The following MTERF3 variants were observed in gnomAD, a reference collection of about 807,000 sequenced individuals.
The protein encoded by MTERF3 is transcription termination factor 3, mitochondrial.
A neutral mutation model predicts 40.5 loss-of-function variants in MTERF3; 40 were observed. That is an observed-to-expected ratio of 0.99 (90% confidence interval 0.77 to 1.29). MTERF3 has a LOEUF of 1.29. Ranked by LOEUF, MTERF3 falls within the 50% of genes most tolerant of loss-of-function variation. The pLI is 0.00. For synonymous variants in MTERF3, 158 were observed against 166.6 expected, an observed-to-expected ratio of 0.95 and a Z score of 0.40; for missense variants, 452 against 478.2, an observed-to-expected ratio of 0.95 and a Z score of 0.51.
At chr8:96,250,184 G>A (rs1044596718) in intron 4 of MTERF3, among the ~76,000 whole-genome samples, 8 of 151,910 alleles carry the variant, frequency 5.3e-5, no homozygotes, top group African/African-American at 1.5e-4. Context: ...GCCAACTTAC[G>A]GAAATGATTA....
At chr8:96,250,125 A>T (rs1181660740) in intron 4 of MTERF3, among the ~76,000 whole-genome samples, 1 of 152,164 alleles carries the variant, frequency 6.6e-6, no homozygotes, top group East Asian at 1.9e-4. Flanking sequence ...AAGTACAGAG[A>T]TGTTTATAAA....
chr8:96,246,388 T>G lies in MTERF3; in HGVS notation c.744A>C (p.Pro248=). The G allele has an allele frequency of 6.2e-7, 1 of 1,613,066 alleles. No homozygotes were observed. Among genetic ancestry groups the G allele is most frequent in the Non-Finnish European group, 8.5e-7 (1 of 1,179,758 alleles). The change falls in exon 5 of 8, where the codon CCA becomes CCC. Residue 248 remains proline, a synonymous_variant. Coordinates refer to ENST00000287025, the MANE Select transcript of MTERF3 (RefSeq NM_015942.5). ...TTTCCACTGAAAAGTTCAGCAAAAA[T>G]GGTGCTTTTCTGACCATCTGTGCAA... The part of the protein sequence containing the change: ...ADVAQMVRKA[P]FLLNFSVERL...
In MTERF3 at chr8:96,250,668, GAAGAAGAAGA is replaced by G. The variant is rs1563548982; in HGVS notation, c.677+228_677+237del. 2.9e-3 allele frequency among the ~76,000 whole-genome samples: 123 copies of G among 42,722 alleles called. 7 individuals are homozygous for G. The highest frequency in any genetic ancestry group is 0.012 in the African/African-American group (119 of 9,788). 28.0% of individuals were successfully genotyped at this position (42,722 alleles called of 152,430 possible). On this transcript the variant is annotated intron_variant, in intron 4 of 7. Coordinates refer to ENST00000287025, the MANE Select transcript of MTERF3 (RefSeq NM_015942.5). The stretch of plus-strand genomic sequence containing the variant: ...AGAAGAAGAAGAAGAAGAAGAAGAA[GAAGAAGAAGA>G]AGAAGGAGGAGGAGGAGGGGGGGAG...
intron 3 of MTERF3, among the ~76,000 whole-genome samples, chr8:96,255,065 A>T (rs1810255399): frequency 6.6e-6 from 1 of 152,204 alleles, no homozygotes; most frequent in Non-Finnish European, 1.5e-5. Context: ...AAAAGCTTTG[A>T]TGCCATGGGA....
intron 3 of MTERF3, 115 bp downstream of exon 3, chr8:96,256,847 A>T: frequency 1.1e-6 from 1 of 896,354 alleles, no homozygotes; most frequent in Non-Finnish European, 1.5e-6. Flanking sequence ...TTATGCTATT[A>T]GACTTTTGCT....
chr8:96,249,643 G>A (rs1489449836), intron 4 of MTERF3, among the ~76,000 whole-genome samples: 2 of 152,154 alleles, frequency 1.3e-5, no homozygotes, highest in Non-Finnish European at 2.9e-5. Flanking sequence ...GAATCGCAAA[G>A]CTCTCTGAAA....
At chr8:96,260,280 GGAA>G (rs1184021522) in intron 1 of MTERF3, 1 of 152,124 alleles carries the variant, frequency 6.6e-6, no homozygotes, top group African/African-American at 2.4e-5. Flanking sequence ...GATTTTGGTG[GGAA>G]ATGGGACTCC....
intron 7 of MTERF3, among the ~76,000 whole-genome samples, chr8:96,242,443 A>T (rs1586162644): frequency 6.6e-6 from 1 of 152,326 alleles, no homozygotes; most frequent in East Asian, 1.9e-4. Context: ...AGCAGATCCT[A>T]GTAAAGGGCT....
chr8:96,244,923 C>A (rs1376189192), intron 6 of MTERF3, among the ~76,000 whole-genome samples: 1 of 152,178 alleles, frequency 6.6e-6, no homozygotes, highest in Non-Finnish European at 1.5e-5. Flanking sequence ...GGGCCCAACA[C>A]CAAACAGATC....
At chr8:96,241,341 C>T (rs1259535557) in intron 7 of MTERF3, among the ~76,000 whole-genome samples, 6 of 151,400 alleles carry the variant, frequency 4.0e-5, no homozygotes, top group South Asian at 4.2e-4. Context: ...ACCCGGGAGG[C>T]GGCGGTTGCA....
At chr8:96,256,861 G>GT (rs1810287668) in intron 3 of MTERF3, 101 bp downstream of exon 3, 6 of 1,055,688 alleles carry the variant, frequency 5.7e-6, no homozygotes, top group Non-Finnish European at 7.6e-6. Flanking sequence ...TTTTGCTTAT[G>GT]TTTGTATACT....
chr8:96,259,136 A>C (rs1810335464), intron 1 of MTERF3, among the ~76,000 whole-genome samples: 1 of 152,258 alleles, frequency 6.6e-6, no homozygotes, highest in South Asian at 2.1e-4. Flanking sequence ...TGATCAAAGT[A>C]ACACTGAATT....
intron 4 of MTERF3, among the ~76,000 whole-genome samples, chr8:96,248,553 T>G (rs1810063893): frequency 6.6e-6 from 1 of 152,204 alleles, no homozygotes; most frequent in African/African-American, 2.4e-5. Flanking sequence ...TAACAGTAGC[T>G]GTGTCGATAG....
At chr8:96,257,330 G>A in intron 2 of MTERF3, 1 of 381,546 alleles carries the variant, frequency 2.6e-6, no homozygotes, top group Non-Finnish European at 4.6e-6. Flanking sequence ...GAAATTTGTT[G>A]GTAAATTTCA....
intron 4 of MTERF3, among the ~76,000 whole-genome samples, chr8:96,250,507 T>TCCCCATCTCTC (rs1232143428): frequency 7.0e-6 from 1 of 143,506 alleles, no homozygotes; most frequent in East Asian, 2.0e-4. Flanking sequence ...GGTCAGGAGT[T>TCCCCATCTCTC]CGAGAACAGC....
rs781604940 is a variant in MTERF3 at position 96,250,925 on chromosome 8, G to C, written c.658C>G (p.Leu220Val). 10 of 1,608,108 alleles carry C rather than the reference G, an allele frequency of 6.2e-6. No individual in the cohort carries two copies. The highest frequency in any genetic ancestry group is 8.5e-6 in the Non-Finnish European group (10 of 1,178,638). ...TCCTACCTGGTCTTCAGATTTTCAA[G>C]GTCTTCAGAGAAAATTGCATGATTT... ...TKNHAIFSED[L>V]ENLKTRVAYL... The change falls in exon 4 of 8, where the codon CTT (leucine) becomes GTT (valine). Residue 220 changes from leucine (L) to valine (V), a missense_variant. Transcript: ENST00000287025.
At chr8:96,251,577 CTTACTCATCGTTGTAATCTCTAGGTCT>C (rs1810186243) in intron 3 of MTERF3, among the ~76,000 whole-genome samples, 1 of 152,084 alleles carries the variant, frequency 6.6e-6, no homozygotes, top group Admixed American at 6.5e-5. Flanking sequence ...GACCCTGTGC[CTTACTCATCGTTGTAATCTCTAGGTCT>C]TTAGCACGGA....
At chr8:96,254,813 T>C (rs1810252029) in intron 3 of MTERF3, among the ~76,000 whole-genome samples, 1 of 152,190 alleles carries the variant, frequency 6.6e-6, no homozygotes, top group East Asian at 1.9e-4. Flanking sequence ...ATGGGTAACA[T>C]ATGGGTAACT....
chr8:96,248,194 A>G (rs1156885332), intron 4 of MTERF3, among the ~76,000 whole-genome samples: 1 of 152,152 alleles, frequency 6.6e-6, no homozygotes, highest in Non-Finnish European at 1.5e-5. Flanking sequence ...AGATGAACAC[A>G]CCCTTTGACC....
Sources: gnomAD v4.1 joint callset for allele counts (sites outside exome capture counted in the v4.1 genomes callset) on GRCh38, gnomAD v4.1.1 for gene constraint, MANE v1.5 for transcripts, NCBI Gene and HGNC (gene_info 2026-07-23, HGNC 2026-07-21) for gene names.